The following OCA2 variants were observed in gnomAD, a reference collection of about 807,000 sequenced individuals.
OCA2 encodes OCA2 melanosomal transmembrane protein.
Under a neutral mutation model 100.2 loss-of-function variants are expected in OCA2, and 77 were observed. That is an observed-to-expected ratio of 0.77 (90% CI 0.64 to 0.93). OCA2 has a LOEUF of 0.93. OCA2 is among the 40% of genes least tolerant of loss of function. OCA2 has a pLI of 0.00. For synonymous variants in OCA2, 432 were observed against 439.2 expected (o/e 0.98, Z 0.21); for missense variants, 1,062 against 1,089.1 (o/e 0.98, Z 0.35).
At chr15:27,871,294 C>T (rs377249791) in intron 20 of OCA2, 36 bp from the exon 21 acceptor site, 118 of 1,523,012 alleles carry the variant, frequency 7.7e-5, no homozygotes, top group Non-Finnish European at 9.5e-5. Flanking sequence ...AGTGTTCCAT[C>T]GCATGCACTT....
At chr15:27,824,621 T>TATATATATATATAA (rs1315693272) in intron 23 of OCA2, among the ~76,000 whole-genome samples, 9 of 124,150 alleles carry the variant, frequency 7.2e-5, no homozygotes, top group East Asian at 2.8e-4. Flanking sequence ...TATATATATA[T>TATATATATATATAA]AATATAATAT....
At chr15:27,896,242 G>A (rs969011730) in intron 19 of OCA2, 5 of 1,096,694 alleles carry the variant, frequency 4.6e-6, no homozygotes, top group Non-Finnish European at 6.9e-6. Flanking sequence ...CCTGGTTATG[G>A]TTCTGAAAGC....
chr15:27,755,500 GC>G, intron 23 of OCA2, 28 bp from the exon 24 acceptor site: 1 of 1,564,074 alleles, frequency 6.4e-7, no homozygotes, highest in Non-Finnish European at 8.8e-7. Context: ...ATGAGTTATG[GC>G]ATCTGAAATC....
At chr15:27,745,757 A>G in the OCA2 span, among the ~76,000 whole-genome samples, 2 of 152,226 alleles carry the variant, frequency 1.3e-5, no homozygotes. Flanking sequence ...TTTGCCATCT[A>G]TAGCATCTAA....
At chr15:27,832,636 C>T (rs562933201) in intron 23 of OCA2, among the ~76,000 whole-genome samples, 9 of 152,280 alleles carry the variant, frequency 5.9e-5, no homozygotes, top group Non-Finnish European at 8.8e-5. Flanking sequence ...ATGGGGTCTA[C>T]GTTTAGCTGT....
intron 13 of OCA2, among the ~76,000 whole-genome samples, chr15:27,984,346 C>T (rs1255864374): frequency 6.6e-6 from 1 of 152,118 alleles, no homozygotes; most frequent in Non-Finnish European, 1.5e-5. Context: ...AGTATGCACA[C>T]AGCTGGGAAA....
chr15:27,955,929 C>T (rs1468424188), intron 16 of OCA2, among the ~76,000 whole-genome samples: 1 of 152,170 alleles, frequency 6.6e-6, no homozygotes, highest in East Asian at 1.9e-4. Context: ...GGAAAAGGGG[C>T]TGCACAATGA....
intron 14 of OCA2, among the ~76,000 whole-genome samples, chr15:27,974,471 T>C (rs571697003): frequency 6.6e-6 from 1 of 152,198 alleles, no homozygotes; most frequent in African/African-American, 2.4e-5. Flanking sequence ...TACTGTGAAA[T>C]AAATTAAAAT....
intron 23 of OCA2, among the ~76,000 whole-genome samples, chr15:27,763,605 C>T (rs1299093420): frequency 6.6e-6 from 1 of 152,186 alleles, no homozygotes; most frequent in Non-Finnish European, 1.5e-5. Context: ...GGTTGCGATG[C>T]CGGTGTGATG....
intron 23 of OCA2, among the ~76,000 whole-genome samples, chr15:27,826,322 TACAAGGC>T (rs2034719783): frequency 6.6e-6 from 1 of 151,698 alleles, no homozygotes; most frequent in African/African-American, 2.4e-5. Context: ...AGTCTCATTT[TACAAGGC>T]ACAGAGAAGT....
At chr15:27,874,480 A>C (rs1347104154) in intron 19 of OCA2, among the ~76,000 whole-genome samples, 1 of 152,204 alleles carries the variant, frequency 6.6e-6, no homozygotes. Context: ...GGCCCTCAGG[A>C]ATCCCACAGA....
chr15:27,721,031 T>C, the OCA2 span, among the ~76,000 whole-genome samples: 1 of 152,194 alleles, frequency 6.6e-6, no homozygotes, highest in Non-Finnish European at 1.5e-5. Flanking sequence ...CTGGCATGCA[T>C]TCTAGTGACA....
At chr15:27,900,118 C>A (rs2037867717) in intron 19 of OCA2, among the ~76,000 whole-genome samples, 1 of 152,170 alleles carries the variant, frequency 6.6e-6, no homozygotes, top group Non-Finnish European at 1.5e-5. Context: ...TCAGCATTTG[C>A]ATTGTAATTG....
At chr15:27,941,683 A>G (rs1043183575) in intron 18 of OCA2, among the ~76,000 whole-genome samples, 1 of 152,206 alleles carries the variant, frequency 6.6e-6, no homozygotes, top group African/African-American at 2.4e-5. Flanking sequence ...AAGCAACTAG[A>G]GGAGAGACAC....
chr15:27,759,529 A>G (rs1423090045), intron 23 of OCA2, among the ~76,000 whole-genome samples: 5 of 152,202 alleles, frequency 3.3e-5, no homozygotes, highest in Non-Finnish European at 1.5e-5. Context: ...GGCTATATTA[A>G]TATCACATGA....
At chr15:28,078,988 G>A (rs1431627986) in intron 2 of OCA2, among the ~76,000 whole-genome samples, 1 of 152,170 alleles carries the variant, frequency 6.6e-6, no homozygotes, top group Non-Finnish European at 1.5e-5. Flanking sequence ...AGGGGACACG[G>A]CAGGCTACAG....
intron 23 of OCA2, among the ~76,000 whole-genome samples, chr15:27,835,521 G>C (rs1208576621): frequency 6.6e-6 from 1 of 152,252 alleles, no homozygotes; most frequent in African/African-American, 2.4e-5. Context: ...AATAGTACCA[G>C]CTGCCCTTTC....
chr15:28,018,158 C>G (rs181308201), intron 7 of OCA2, among the ~76,000 whole-genome samples: 1 of 149,944 alleles, frequency 6.7e-6, no homozygotes, highest in East Asian at 2.0e-4. Context: ...CCCAGCAAAA[C>G]AGTTTTGAAT....
intron 1 of OCA2, among the ~76,000 whole-genome samples, chr15:28,082,105 T>C (rs1212012929): frequency 6.6e-6 from 1 of 152,170 alleles, no homozygotes; most frequent in South Asian, 2.1e-4. Context: ...CATTTCTGTC[T>C]AGCTAAAGGA....
Sources: allele counts gnomAD v4.1 joint callset (sites outside exome capture counted in the v4.1 genomes callset), GRCh38; gene constraint gnomAD v4.1.1; transcripts MANE v1.5; gene names NCBI Gene and HGNC (gene_info 2026-07-23, HGNC 2026-07-21).